The following SHC4 variants were observed in gnomAD, a reference collection of about 807,000 sequenced individuals.
SHC4 encodes SHC-transforming protein 4.
A neutral mutation model predicts 69.4 loss-of-function variants in SHC4; 41 were observed. That is an observed-to-expected ratio of 0.59 (90% confidence interval 0.46 to 0.77). The LOEUF is 0.77. SHC4 is among the 30% of genes least tolerant of loss of function. The pLI is 0.00. For synonymous variants in SHC4, 318 were observed against 299.3 expected (o/e 1.06, Z -0.64); for missense variants, 777 against 783.8 (o/e 0.99, Z 0.10).
intron 2 of SHC4, among the ~76,000 whole-genome samples, chr15:48,915,643 A>G (rs1488521709): frequency 6.6e-6 from 1 of 152,186 alleles, no homozygotes; most frequent in Admixed American, 6.6e-5. Flanking sequence ...TATTGTTCTA[A>G]TCAGCTGATA....
intron 4 of SHC4, chr15:48,878,124 C>T (rs1899854419): frequency 4.6e-6 from 7 of 1,508,718 alleles, no homozygotes; most frequent in Non-Finnish European, 4.4e-6. Flanking sequence ...CGCACGGCCG[C>T]GCAGCATCTG....
intron 2 of SHC4, among the ~76,000 whole-genome samples, chr15:48,894,326 G>C (rs1329427489): frequency 2.0e-5 from 3 of 152,066 alleles, no homozygotes; most frequent in African/African-American, 7.2e-5. Context: ...ATATAAACAA[G>C]GTAAACAATG....
At chr15:48,922,917 G>A (rs1226210092) in intron 2 of SHC4, among the ~76,000 whole-genome samples, 1 of 152,200 alleles carries the variant, frequency 6.6e-6, no homozygotes, top group Non-Finnish European at 1.5e-5. Context: ...CTGAGAATGT[G>A]TAAGAGAAGA....
chr15:48,839,699 G>A (rs1355391466), intron 10 of SHC4, among the ~76,000 whole-genome samples: 1 of 152,200 alleles, frequency 6.6e-6, no homozygotes, highest in Non-Finnish European at 1.5e-5. Context: ...CTAATTTGGG[G>A]TATGGAGGGT....
chr15:48,845,651 A>G (rs1899075434), intron 9 of SHC4, among the ~76,000 whole-genome samples: 1 of 152,232 alleles, frequency 6.6e-6, no homozygotes. Context: ...TGATCTAATC[A>G]GATCAGAGCT....
In SHC4 at chr15:48,895,408, A is replaced by T. The variant is rs531806412; in HGVS notation, c.657-4597T>A. ...AGAGACTAGGGAAAGTAGTATATTG[A>T]CTGTCCTTCCCTTGTTCACTCCCCT... On this transcript the variant is annotated intron_variant, in intron 2 of 11. Coordinates refer to ENST00000332408, the MANE Select transcript of SHC4 (RefSeq NM_203349.4). Among the ~76,000 whole-genome samples the T allele has an allele frequency of 2.0e-5, 3 of 152,230 alleles. No homozygotes were observed. The East Asian group carries it at 5.8e-4, about 30-fold the overall frequency.
chr15:48,873,576 C>T (rs1899735549), intron 4 of SHC4, among the ~76,000 whole-genome samples: 1 of 152,158 alleles, frequency 6.6e-6, no homozygotes, highest in South Asian at 2.1e-4. Context: ...AACCCCATCT[C>T]TACTAAAAAT....
At chr15:48,838,463 T>TA (rs1202939034) in intron 10 of SHC4, among the ~76,000 whole-genome samples, 1 of 152,114 alleles carries the variant, frequency 6.6e-6, no homozygotes, top group Non-Finnish European at 1.5e-5. Flanking sequence ...AACTCTAAAA[T>TA]AAAAATGTAT....
chr15:48,846,476 T>G (rs1595729977), intron 9 of SHC4, among the ~76,000 whole-genome samples: 2 of 152,152 alleles, frequency 1.3e-5, no homozygotes, highest in African/African-American at 2.4e-5. Context: ...CTCCCCCTCC[T>G]TTACTTTACT....
Position 48,962,531 on chromosome 15 carries a change from G to A in SHC4, c.485C>T (p.Ser162Leu). The change falls in exon 1 of 12, where the codon TCG becomes TTG. Residue 162 changes from serine (S) to leucine (L), a missense_variant. Physicochemically the swap from Ser to Leu is moderately radical, Grantham distance 145. Coordinates refer to ENST00000332408, the MANE Select transcript of SHC4 (RefSeq NM_203349.4). ...CTCCCCAGGGCCAGGAAGCGGGCAC[G>A]AATCAGGGGTTAGGGCGGTTGCCCT... ...GHRATALTPD[S>L]CPLPGPGEPT... 3 of 1,595,142 alleles carry A rather than the reference G, an allele frequency of 1.9e-6. No individual in the cohort carries two copies. The highest frequency in any genetic ancestry group is 2.2e-5 in the East Asian group (1 of 44,648).
intron 2 of SHC4, among the ~76,000 whole-genome samples, chr15:48,919,169 G>A (rs190286779): frequency 6.6e-6 from 1 of 152,012 alleles, no homozygotes; most frequent in Admixed American, 6.6e-5. Flanking sequence ...GACACCATAG[G>A]ACATTTTAAA....
chr15:48,932,697 C>T (rs1161715894), intron 1 of SHC4, among the ~76,000 whole-genome samples: 1 of 152,168 alleles, frequency 6.6e-6, no homozygotes. Context: ...TCTTCCTCCC[C>T]ATCCCTACCT....
chr15:48,944,176 C>A (rs1307332906), intron 1 of SHC4, among the ~76,000 whole-genome samples: 1 of 152,170 alleles, frequency 6.6e-6, no homozygotes, highest in Non-Finnish European at 1.5e-5. Context: ...CTGTGTGCAA[C>A]ACCATGTGGT....
At position 48,825,984 on chromosome 15, in the gene SHC4, T is replaced by G. The variant is rs145281560; in HGVS notation, c.1880A>C (p.His627Pro). The change falls in exon 12 of 12, where the codon CAT (histidine) becomes CCT (proline). Residue 627 changes from histidine to proline, a missense_variant. By Grantham distance (77) the His-to-Pro change is moderately conservative. Transcript: ENST00000332408. ...GCTTCAATACTGTCATTTGTTGGAATGCAAAAGTGCTGGATTATTATCTTT... is the reference window on the plus strand; with the variant it reads ...GCTTCAATACTGTCATTTGTTGGAAGGCAAAAGTGCTGGATTATTATCTTT... ...VRKDNNPALLHSNK is the reference protein window; with the variant it reads ...VRKDNNPALLPSNK 40 of 1,613,394 alleles carry G rather than the reference T, an allele frequency of 2.5e-5. No homozygotes were observed. The highest frequency in any genetic ancestry group is 3.4e-5 in the Non-Finnish European group (40 of 1,179,836).
intron 7 of SHC4, among the ~76,000 whole-genome samples, chr15:48,857,454 G>C (rs913049103): frequency 2.6e-5 from 4 of 152,072 alleles, no homozygotes; most frequent in African/African-American, 9.7e-5. Context: ...CTTTTAGTGA[G>C]AAGGGATCTC....
chr15:48,911,015 T>C (rs1595754168), intron 2 of SHC4, among the ~76,000 whole-genome samples: 1 of 152,142 alleles, frequency 6.6e-6, no homozygotes, highest in Non-Finnish European at 1.5e-5. Flanking sequence ...AAATTCCATG[T>C]GCTGTTGAAT....
In SHC4 at chr15:48,962,838, G is replaced by A. The variant is rs769710535; in HGVS notation, c.178C>T (p.His60Tyr). The change falls in exon 1 of 12, where the codon CAC becomes TAC. Residue 60 changes from histidine to tyrosine, a missense_variant. Transcript: ENST00000332408. ...GGCAGGTGAGGTGCCAGGGCGGGGT[G>A]GGGAGGCTGCGGCGAGCCCTTGTTC... The part of the protein sequence containing the change: ...VGNKGSPQPP[H>Y]PALAPHLPTE... 66 of 1,612,660 alleles carry A rather than the reference G, an allele frequency of 4.1e-5. No individual in the cohort carries two copies. Among genetic ancestry groups the A allele is most frequent in the Admixed American group, 2.0e-4 (12 of 60,002 alleles).
At chr15:48,885,072 T>C (rs946248945) in intron 3 of SHC4, among the ~76,000 whole-genome samples, 2 of 152,214 alleles carry the variant, frequency 1.3e-5, no homozygotes, top group Non-Finnish European at 2.9e-5. Context: ...GAAAGGGATA[T>C]GTTTTGATAA....
At chr15:48,887,998 C>A (rs1216431788) in intron 3 of SHC4, among the ~76,000 whole-genome samples, 1 of 152,004 alleles carries the variant, frequency 6.6e-6, no homozygotes, top group Non-Finnish European at 1.5e-5. Flanking sequence ...AAATTAGAAC[C>A]CTTGTGCATT....
Sources: gnomAD v4.1 joint callset for allele counts (sites outside exome capture counted in the v4.1 genomes callset) on GRCh38, gnomAD v4.1.1 for gene constraint, MANE v1.5 for transcripts, NCBI Gene and HGNC (gene_info 2026-07-23, HGNC 2026-07-21) for gene names.